IFT172: variants seen among roughly 807,000 people sequenced by gnomAD.
IFT172 encodes intraflagellar transport protein 172 homolog.
A neutral mutation model predicts 248.9 loss-of-function variants in IFT172; 164 were observed. That is an observed-to-expected ratio of 0.66 (90% CI 0.58 to 0.75). The LOEUF (loss-of-function observed/expected upper bound fraction) is 0.75. IFT172 is among the 30% of genes least tolerant of loss of function. IFT172 has a pLI of 0.00. For synonymous variants in IFT172, 729 were observed against 791.6 expected (o/e 0.92, Z 1.33); for missense variants, 1,950 against 2,192.4 (o/e 0.89, Z 2.21).
intron 13 of IFT172, chr2:27,476,996 TG>T: frequency 1.7e-6 from 1 of 595,418 alleles, no homozygotes; most frequent in East Asian, 2.8e-5. Context: ...GATAATTTTT[TG>T]TATTTTTAGT....
chr2:27,479,890 T>A, intron 9 of IFT172, 136 bp downstream of exon 9: 3 of 1,256,966 alleles, frequency 2.4e-6, no homozygotes, highest in Non-Finnish European at 3.2e-6. Context: ...CTGCCTTTAA[T>A]GCCAGAATTT....
intron 47 of IFT172, 40 bp from the exon 48 acceptor site, chr2:27,444,561 G>A (rs1401005212): frequency 6.6e-7 from 1 of 1,509,322 alleles, no homozygotes. Context: ...ACTTGTTAAT[G>A]CTGGAAATAC....
At chr2:27,463,261 T>TGATGCACATCATA in intron 18 of IFT172, 80 bp from the exon 19 acceptor site, 11 of 1,331,706 alleles carry the variant, frequency 8.3e-6, no homozygotes, top group Non-Finnish European at 1.2e-5. Context: ...AAATACAAAT[T>TGATGCACATCATA]GATGTACATC....
chr2:27,469,502 G>C (rs1667386424), intron 16 of IFT172, among the ~76,000 whole-genome samples: 1 of 151,970 alleles, frequency 6.6e-6, no homozygotes, highest in Non-Finnish European at 1.5e-5. Context: ...CAAAGGAACT[G>C]GTACCTTGAT....
chr2:27,471,433 G>A (rs1320178263), intron 15 of IFT172, among the ~76,000 whole-genome samples: 2 of 152,186 alleles, frequency 1.3e-5, no homozygotes, highest in Non-Finnish European at 2.9e-5. Context: ...TTGTGATGTG[G>A]CTTTCACTGA....
intron 19 of IFT172, 46 bp downstream of exon 19, chr2:27,463,051 A>G: frequency 1.9e-6 from 3 of 1,590,034 alleles, no homozygotes; most frequent in Non-Finnish European, 2.6e-6. Flanking sequence ...ACTAAGAGAA[A>G]TCAGCTTGGG....
In IFT172 at chr2:27,444,500, G is replaced by A; in HGVS notation, c.5182C>T (p.Gln1728Ter). 1 of 1,613,594 alleles carries A rather than the reference G, an allele frequency of 6.2e-7. No individual in the cohort carries two copies. Among genetic ancestry groups the A allele is most frequent in the Non-Finnish European group, 8.5e-7 (1 of 1,179,756 alleles). ...AIKTSHSPVC[Q>*]DVLKFISQWC... Reference sequence around the variant, plus strand: ...TGACTGATGAATTTCAGCACGTCCTGGCACACTGGGCTGTGGGAGGTCTGT... The same window carrying A: ...TGACTGATGAATTTCAGCACGTCCTAGCACACTGGGCTGTGGGAGGTCTGT... The change falls in exon 48 of 48, where the codon CAG (glutamine) becomes TAG (stop). Residue 1728 changes from glutamine (Q) to a stop codon, truncating the protein, a stop_gained. Transcript: ENST00000260570. LOFTEE classifies it high-confidence loss of function.
rs1395080986 is a variant in IFT172, at chr2:27,447,890, G to A, written c.4461C>T (p.Asp1487=). Residue 1487 remains aspartate, a synonymous_variant, in exon 41 of 48, where the codon GAC becomes GAT. Coordinates refer to ENST00000260570, the MANE Select transcript of IFT172 (RefSeq NM_015662.3). The stretch of plus-strand genomic sequence containing the variant: ...AGTTGGTTCCAGGAGAGCTCACCAT[G>A]TCAGTGAAGATCCTTTTGTAGATAT... ...NFNIYKRIFT[D]MVSSPGTNCA... is the part of the protein sequence containing the mutation. 7 of 1,612,446 alleles carry A rather than the reference G, an allele frequency of 4.3e-6. No individual in the cohort carries two copies. In the African/African-American group the frequency reaches 9.4e-5, roughly 22 times the overall value.
intron 7 of IFT172, among the ~76,000 whole-genome samples, 165 bp from the exon 8 acceptor site, chr2:27,481,425 TCACACACACACACA>T (rs71401571): frequency 5.5e-5 from 8 of 145,160 alleles, no homozygotes; most frequent in Admixed American, 1.4e-4. Context: ...TCACAAATTG[TCACACACACACACA>T]CACACACACA....
chr2:27,482,873 T>A (rs1668483326), intron 7 of IFT172, among the ~76,000 whole-genome samples: 1 of 152,096 alleles, frequency 6.6e-6, no homozygotes, highest in Non-Finnish European at 1.5e-5. Flanking sequence ...AGTGGCCACA[T>A]CCAACTTTTT....
Position 27,445,354 on chromosome 2 carries a change from G to A in IFT172, c.5010C>T (p.Tyr1670=), listed in dbSNP as rs1459018703. 3.7e-6 allele frequency: 6 copies of A among 1,613,458 alleles called. No individual in the cohort carries two copies. The highest frequency in any genetic ancestry group is 2.2e-5 in the East Asian group (1 of 44,870). The stretch of plus-strand genomic sequence containing the variant: ...TGCTCGCTGCCACTAGGGAGGCCTC[G>A]TAGGCGCCACGCTCATCCCGAGGCA... ...QVLPRDERGA[Y]EASLVAASTG... Residue 1670 remains tyrosine, a synonymous_variant, in exon 46 of 48, where the codon TAC becomes TAT. Transcript: ENST00000260570. The surrounding 1 kb of genome is among the most constrained non-coding windows in gnomAD (Gnocchi z 4.4).
chr2:27,458,699 A>G, intron 26 of IFT172, 80 bp downstream of exon 26: 2 of 1,508,038 alleles, frequency 1.3e-6, no homozygotes, highest in South Asian at 1.2e-5. Flanking sequence ...CCAAGCGAAG[A>G]GGAGAAACAG....
chr2:27,485,674 C>A (rs1668715828), intron 1 of IFT172, among the ~76,000 whole-genome samples, 171 bp from the exon 2 acceptor site: 1 of 152,156 alleles, frequency 6.6e-6, no homozygotes, highest in African/African-American at 2.4e-5. Context: ...GCCTTCAGAT[C>A]CTGGACTGTG....
At chr2:27,446,223 C>T (rs756273133) in intron 43 of IFT172, 37 bp downstream of exon 43, 9 of 1,594,818 alleles carry the variant, frequency 5.6e-6, no homozygotes, top group South Asian at 1.1e-5. Flanking sequence ...CCTTTAACTT[C>T]CTCCTATCTG....
Position 27,483,937 on chromosome 2 carries a change from T to C in IFT172, c.337A>G (p.Ser113Gly), listed in dbSNP as rs1339707073. The C allele has an allele frequency of 6.2e-7, 1 of 1,613,532 alleles. No individual in the cohort carries two copies. The highest frequency in any genetic ancestry group is 8.5e-7 in the Non-Finnish European group (1 of 1,179,600). The change falls in exon 5 of 48, where the codon AGT becomes GGT. Residue 113 changes from serine to glycine, a missense_variant and splice_region_variant. Physicochemically the swap from Ser to Gly is moderately conservative, Grantham distance 56 (BLOSUM62 0). This residue lies in a region of IFT172 where 1,166 missense variants were observed against 1,254.1 expected (regional missense o/e 0.93). Transcript: ENST00000260570. Reference sequence around the variant, plus strand: ...GGCCATTGCAGACAAGTGACAGCACTCTGCGTGGAAGGAAACAATGAAAAG... The same window carrying C: ...GGCCATTGCAGACAAGTGACAGCACCCTGCGTGGAAGGAAACAATGAAAAG... ...KVICNKFIQT[S>G]AVTCLQWPAE...
At chr2:27,467,675 A>T (rs1667210417) in intron 16 of IFT172, among the ~76,000 whole-genome samples, 1 of 151,492 alleles carries the variant, frequency 6.6e-6, no homozygotes, top group Non-Finnish European at 1.5e-5. Context: ...AGGAAGAAAG[A>T]AACTATGAAA....
chr2:27,444,959 T>G, intron 47 of IFT172, 55 bp downstream of exon 47: 1 of 1,580,066 alleles, frequency 6.3e-7, no homozygotes, highest in Non-Finnish European at 8.6e-7. Context: ...TTGTTTTTTT[T>G]TCTTTTTTTA....
chr2:27,462,605 G>A, intron 20 of IFT172, 96 bp downstream of exon 20: 1 of 1,067,766 alleles, frequency 9.4e-7, no homozygotes, highest in Non-Finnish European at 1.4e-6. Context: ...TGGAAGCCTA[G>A]TTCACCAGCA....
In IFT172 at chr2:27,477,581, T is replaced by G; in HGVS notation, c.1199A>C (p.Lys400Thr). The G allele has an allele frequency of 6.2e-7, 1 of 1,610,690 alleles. No individual in the cohort carries two copies. The highest frequency in any genetic ancestry group is 8.5e-7 in the Non-Finnish European group (1 of 1,176,830). ...IAWQGSGGNE[K>T]YFFENENVCM... Reference sequence around the variant, plus strand: ...CACATTCTCATTTTCAAAGAAATACTTCTCATTGCCACCAGATCCTTGCCA... The same window carrying G: ...CACATTCTCATTTTCAAAGAAATACGTCTCATTGCCACCAGATCCTTGCCA... The change falls in exon 12 of 48, where the codon AAG becomes ACG. Residue 400 changes from lysine (K) to threonine (T), a missense_variant. By Grantham distance (78) the Lys-to-Thr change is moderately conservative (BLOSUM62 -1). This residue lies in a region of IFT172 where 1,166 missense variants were observed against 1,254.1 expected (regional missense o/e 0.93). Transcript: ENST00000260570.
Sources: gnomAD v4.1 joint callset for allele counts (sites outside exome capture counted in the v4.1 genomes callset) on GRCh38, gnomAD v4.1.1 for gene constraint, gnomAD v4.1.1 regional missense constraint, Gnocchi (gnomAD v3.1) non-coding constraint, MANE v1.5 for transcripts, NCBI Gene and HGNC (gene_info 2026-07-23, HGNC 2026-07-21) for gene names.